Variants in TRDN observed in about 807,000 individuals in gnomAD.
TRDN encodes the protein triadin in skeletal muscle.
A neutral mutation model predicts 149.7 loss-of-function variants in TRDN; 161 were observed. That is an observed-to-expected ratio of 1.08 (90% confidence interval 0.95 to 1.23). The LOEUF (loss-of-function observed/expected upper bound fraction) is 1.23. TRDN is among the 50% of genes most tolerant of loss of function. The pLI is 0.00. For missense variants in TRDN, 896 were observed against 823.5 expected, an observed-to-expected ratio of 1.09 and a Z score of -1.08; for synonymous variants, 294 against 250.5, an observed-to-expected ratio of 1.17 and a Z score of -1.64.
chr6:123,314,755 T>C (rs971483908), intron 24 of TRDN, among the ~76,000 whole-genome samples: 5 of 151,926 alleles, frequency 3.3e-5, no homozygotes, highest in Non-Finnish European at 5.9e-5. Flanking sequence ...GAAAACCAAA[T>C]ACCGCATGTT....
chr6:123,355,724 T>C (rs183519503), intron 20 of TRDN, among the ~76,000 whole-genome samples: 1 of 151,956 alleles, frequency 6.6e-6, no homozygotes, highest in South Asian at 2.1e-4. Context: ...AGAATTGATA[T>C]CTTTACAAAA....
At position 123,375,613 on chromosome 6, in the gene TRDN, A is replaced by G; in HGVS notation, c.1265T>C (p.Val422Ala). The change falls in exon 19 of 41, where the codon GTA becomes GCA. Residue 422 changes from valine to alanine, a missense_variant. Coordinates refer to ENST00000334268, the MANE Select transcript of TRDN (RefSeq NM_006073.4). ...AATTTTGTTCAACATACTTGCTTTT[A>G]CTTGTTTGTCACTTGGAACTGTTAA... is the stretch of plus-strand genomic sequence containing the variant. ...KEHSVPSDKQVKAKTERAKEE... is the reference protein window; with the variant it reads ...KEHSVPSDKQAKAKTERAKEE... 1 of 1,533,638 alleles carries G rather than the reference A, an allele frequency of 6.5e-7. No homozygotes were observed. The highest frequency in any genetic ancestry group is 8.8e-7 in the Non-Finnish European group (1 of 1,139,110).
intron 12 of TRDN, among the ~76,000 whole-genome samples, chr6:123,409,215 G>A (rs1049374484): frequency 2.6e-5 from 4 of 152,060 alleles, no homozygotes; most frequent in African/African-American, 9.7e-5. Context: ...GATGTGTCTT[G>A]AAAACCTATA....
chr6:123,580,336 TTA>T (rs2114575335), intron 1 of TRDN, among the ~76,000 whole-genome samples: 1 of 152,240 alleles, frequency 6.6e-6, no homozygotes, highest in South Asian at 2.1e-4. Context: ...TCAGTAAAAT[TTA>T]AAAGCTGGAA....
In TRDN at chr6:123,238,574, C is replaced by T. The variant is rs1775875069; in HGVS notation, c.1975+13838G>A. On this transcript the variant is annotated intron_variant, in intron 38 of 40. Transcript: ENST00000334268. Reference sequence around the variant, plus strand: ...GCATGAGAAAGAGAAAGCAACAAGACAGTGAGAACCAGACCTAAGATATTA... The same window carrying T: ...GCATGAGAAAGAGAAAGCAACAAGATAGTGAGAACCAGACCTAAGATATTA... Among the ~76,000 whole-genome samples, 3 of 152,048 alleles carry T rather than the reference C, an allele frequency of 2.0e-5. No individual in the cohort carries two copies. In the South Asian group the frequency reaches 6.2e-4, roughly 32 times the overall value.
At chr6:123,308,238 T>A (rs1034436071) in intron 24 of TRDN, among the ~76,000 whole-genome samples, 6 of 151,982 alleles carry the variant, frequency 3.9e-5, no homozygotes, top group African/African-American at 1.4e-4. Context: ...AGTTGTACCA[T>A]ATTTTCTTTA....
intron 12 of TRDN, among the ~76,000 whole-genome samples, chr6:123,395,175 T>C (rs1344007714): frequency 6.6e-6 from 1 of 152,190 alleles, no homozygotes; most frequent in East Asian, 1.9e-4. Context: ...TGTAGAAATA[T>C]TTGCAAAAAT....
rs1311429636 is a variant in TRDN, at chr6:123,224,195, T to C, written c.1976-64A>G. On this transcript the variant is annotated intron_variant, in intron 38 of 40. Transcript: ENST00000334268. ...TTTTTCAGTTTTCCCAGAGGAAGTA[T>C]TGTATTTAAAGGTTTTTAAGAGTCA... 2.0e-6 allele frequency: 3 copies of C among 1,518,776 alleles called. No homozygotes were observed. The East Asian group carries it at 6.8e-5, about 34-fold the overall frequency. The allele number at this position is 1,518,776 out of a possible 1,614,324, so 94.1% of individuals were successfully genotyped here.
intron 9 of TRDN, among the ~76,000 whole-genome samples, chr6:123,492,680 G>C (rs960426225): frequency 6.6e-6 from 1 of 152,050 alleles, no homozygotes; most frequent in Non-Finnish European, 1.5e-5. Flanking sequence ...ATTACTGGAA[G>C]GTTGATAAAG....
intron 21 of TRDN, chr6:123,350,342 G>A (rs1250494315): frequency 3.2e-6 from 3 of 947,924 alleles, no homozygotes; most frequent in Non-Finnish European, 3.8e-6. Flanking sequence ...ATTATACTCA[G>A]ATCACAAAGT....
At chr6:123,405,447 A>G (rs571888864) in intron 12 of TRDN, among the ~76,000 whole-genome samples, 1 of 152,332 alleles carries the variant, frequency 6.6e-6, no homozygotes, top group African/African-American at 2.4e-5. Flanking sequence ...TTTTATAAAT[A>G]TGAACTATAC....
intron 1 of TRDN, among the ~76,000 whole-genome samples, chr6:123,590,363 G>A (rs573286707): frequency 1.1e-4 from 16 of 152,252 alleles, no homozygotes; most frequent in Admixed American, 5.2e-4. Flanking sequence ...GTCTCCAATC[G>A]CCCCCAGGTG....
At chr6:123,369,935 T>C (rs753303829) in intron 19 of TRDN, among the ~76,000 whole-genome samples, 21 of 152,128 alleles carry the variant, frequency 1.4e-4, no homozygotes, top group Non-Finnish European at 2.8e-4. Flanking sequence ...GACAACCACA[T>C]CCTTCAATTC....
In TRDN at chr6:123,599,898, G is replaced by A. The variant is rs78396398; in HGVS notation, c.23-28766C>T. ...CAGGAAGCCATGGATATATGCCTCC[G>A]AGATGAGATAAATGTCCTTCCTGGA... On this transcript the variant is annotated intron_variant, in intron 1 of 40. Transcript: ENST00000334268. Among the ~76,000 whole-genome samples the A allele has an allele frequency of 8.2e-4, 125 of 151,766 alleles. 2 individuals carry two copies. In the East Asian group the frequency reaches 0.022, roughly 27 times the overall value.
At chr6:123,352,068 A>G in intron 21 of TRDN, 1 of 976,048 alleles carries the variant, frequency 1.0e-6, no homozygotes, top group Non-Finnish European at 1.2e-6. Flanking sequence ...AATATAGTAT[A>G]TATCATAATA....
intron 24 of TRDN, among the ~76,000 whole-genome samples, chr6:123,314,983 A>T (rs981376464): frequency 1.3e-5 from 2 of 151,996 alleles, no homozygotes; most frequent in African/African-American, 4.8e-5. Flanking sequence ...CATCCTGCAC[A>T]TGTACACCTG....
At chr6:123,539,623 A>T (rs1238271475) in intron 4 of TRDN, among the ~76,000 whole-genome samples, 1 of 152,178 alleles carries the variant, frequency 6.6e-6, no homozygotes, top group African/African-American at 2.4e-5. Context: ...TAAAATTTTG[A>T]TATGTTCAGA....
chr6:123,319,824 C>T (rs949389024), intron 23 of TRDN, among the ~76,000 whole-genome samples: 7 of 152,026 alleles, frequency 4.6e-5, no homozygotes, highest in Non-Finnish European at 1.0e-4. Context: ...CTGACTTTTC[C>T]AGGCTGTTGA....
intron 38 of TRDN, among the ~76,000 whole-genome samples, chr6:123,237,001 C>T (rs1279314673): frequency 6.6e-6 from 1 of 151,892 alleles, no homozygotes; most frequent in East Asian, 1.9e-4. Context: ...GAGAACTGAC[C>T]TCTTTGCTAT....
Sources: allele counts gnomAD v4.1 joint callset (sites outside exome capture counted in the v4.1 genomes callset), GRCh38; gene constraint gnomAD v4.1.1; transcripts MANE v1.5; gene names NCBI Gene and HGNC (gene_info 2026-07-23, HGNC 2026-07-21).